The following DPH6 variants were observed in gnomAD, a reference collection of about 807,000 sequenced individuals.
The protein encoded by DPH6 is diphthamine biosynthesis 6.
A neutral mutation model predicts 38.2 loss-of-function variants in DPH6; 33 were observed. The observed-to-expected ratio is 0.86, with a 90% CI of 0.65 to 1.15. DPH6 has a LOEUF of 1.15. Among genes scored for constraint, DPH6 ranks in the 50% most tolerant of loss-of-function variants. DPH6 has a pLI of 0.00. For missense variants in DPH6, 325 were observed against 320.0 expected, an observed-to-expected ratio of 1.02 and a Z score of -0.12; for synonymous variants, 108 against 103.0, an observed-to-expected ratio of 1.05 and a Z score of -0.30.
chr15:35,333,171 G>GT (rs1566872245), intron 3 of DPH6, among the ~76,000 whole-genome samples: 1 of 151,928 alleles, frequency 6.6e-6, no homozygotes, highest in African/African-American at 2.4e-5. Context: ...AAAGTGAGCA[G>GT]TTTATCTATT....
chr15:35,271,310 C>T (rs1041068008), intron 3 of DPH6, among the ~76,000 whole-genome samples: 2 of 152,166 alleles, frequency 1.3e-5, no homozygotes, highest in Non-Finnish European at 2.9e-5. Context: ...AACCCCACCC[C>T]CTACCCCCAA....
At chr15:35,533,827 T>C (rs1246432463) in intron 3 of DPH6, among the ~76,000 whole-genome samples, 2 of 151,942 alleles carry the variant, frequency 1.3e-5, no homozygotes, top group African/African-American at 4.8e-5. Context: ...GACTGATCAG[T>C]CAGCACAGAC....
exon 4 of DPH6, chr15:35,218,579 C>G (rs1218407521): frequency 6.6e-6 from 1 of 152,156 alleles, no homozygotes; most frequent in African/African-American, 2.4e-5. Flanking sequence ...TTAAGTTAGA[C>G]AGAAATTATC....
At chr15:35,188,516 T>A in the DPH6 span, among the ~76,000 whole-genome samples, 1 of 152,298 alleles carries the variant, frequency 6.6e-6, no homozygotes, top group African/African-American at 2.4e-5. Flanking sequence ...AAGTTGTCAG[T>A]GTGGCCCTCT....
chr15:35,464,808 A>C (rs141546627), intron 3 of DPH6, among the ~76,000 whole-genome samples: 1 of 152,202 alleles, frequency 6.6e-6, no homozygotes, highest in Non-Finnish European at 1.5e-5. Context: ...CCAGTGCACT[A>C]AAGTGTCAAG....
chr15:35,257,175 A>G (rs982631071), intron 3 of DPH6, among the ~76,000 whole-genome samples: 2 of 152,336 alleles, frequency 1.3e-5, no homozygotes, highest in African/African-American at 4.8e-5. Flanking sequence ...GCATACCAGG[A>G]AAGGAGGAGA....
In DPH6 at chr15:35,515,088, C is replaced by T. The variant is rs76902124; in HGVS notation, c.312+23186G>A. Among the ~76,000 whole-genome samples, 469 of 151,298 alleles carry T rather than the reference C, an allele frequency of 3.1e-3. 3 individuals carry two copies. In the East Asian group the frequency reaches 0.034, roughly 11 times the overall value. ...CACCTACATCTGTTGCCTTAATCAG[C>T]TACATCTTTAGCACTTAGAAAAATG... On this transcript the variant is annotated intron_variant, in intron 3 of 8. Coordinates refer to ENST00000256538, the MANE Select transcript of DPH6 (RefSeq NM_080650.4).
downstream of DPH6, among the ~76,000 whole-genome samples, chr15:35,212,942 C>T (rs2051394859): frequency 1.3e-5 from 2 of 152,226 alleles, no homozygotes; most frequent in South Asian, 4.1e-4. Flanking sequence ...AACTTAACAA[C>T]AAAATAATTT....
At chr15:35,209,932 A>G in the DPH6 span, among the ~76,000 whole-genome samples, 3 of 152,308 alleles carry the variant, frequency 2.0e-5, no homozygotes, top group South Asian at 6.2e-4. Flanking sequence ...GTACCTTTTA[A>G]TGGGTCTTTA....
intron 6 of DPH6, among the ~76,000 whole-genome samples, chr15:35,393,930 G>C (rs551935723): frequency 6.6e-6 from 1 of 152,330 alleles, no homozygotes; most frequent in South Asian, 2.1e-4. Flanking sequence ...CTTAGTATGA[G>C]TAGTAGTTTT....
At chr15:35,183,895 T>C in the DPH6 span, among the ~76,000 whole-genome samples, 2 of 152,206 alleles carry the variant, frequency 1.3e-5, no homozygotes. Flanking sequence ...AGCAAGGCTT[T>C]ATTAAAATGT....
intron 3 of DPH6, among the ~76,000 whole-genome samples, chr15:35,503,447 T>A (rs183768349): frequency 1.3e-5 from 2 of 152,178 alleles, no homozygotes; most frequent in East Asian, 3.9e-4. Flanking sequence ...AAGCACTTCA[T>A]TACTTCCCTC....
At chr15:35,298,883 C>G (rs1044636576) in intron 3 of DPH6, 19 of 955,104 alleles carry the variant, frequency 2.0e-5, no homozygotes, top group Non-Finnish European at 2.9e-5. Flanking sequence ...TAAGGAAAAT[C>G]TCGGGGTAAC....
intron 3 of DPH6, among the ~76,000 whole-genome samples, chr15:35,532,257 T>A (rs2141538649): frequency 6.6e-6 from 1 of 152,316 alleles, no homozygotes; most frequent in East Asian, 1.9e-4. Flanking sequence ...TTGGACTATA[T>A]CTTAATCATG....
chr15:35,225,391 G>A (rs974526196), intron 3 of DPH6, among the ~76,000 whole-genome samples: 5 of 152,264 alleles, frequency 3.3e-5, no homozygotes, highest in South Asian at 2.1e-4. Flanking sequence ...TATTTGTAAG[G>A]AAGTCACTAA....
chr15:35,470,591 A>G (rs940920009), intron 3 of DPH6, among the ~76,000 whole-genome samples: 6 of 152,216 alleles, frequency 3.9e-5, no homozygotes, highest in Admixed American at 3.3e-4. Flanking sequence ...GTTTGCTCCT[A>G]AGTCAAAAGT....
intron 6 of DPH6, among the ~76,000 whole-genome samples, chr15:35,382,472 C>CACAA (rs1463605125): frequency 6.6e-6 from 1 of 151,882 alleles, no homozygotes; most frequent in African/African-American, 2.4e-5. Flanking sequence ...CACACACACA[C>CACAA]AAAATTAAGA....
chr15:35,520,570 C>T, intron 3 of DPH6: 1 of 984,718 alleles, frequency 1.0e-6, no homozygotes, highest in Non-Finnish European at 1.2e-6. Context: ...CTAGCATACA[C>T]AGCATAAAGC....
At chr15:35,221,844 C>T (rs1181477749) in intron 3 of DPH6, among the ~76,000 whole-genome samples, 2 of 152,190 alleles carry the variant, frequency 1.3e-5, no homozygotes, top group Non-Finnish European at 2.9e-5. Flanking sequence ...CTTTAAATCA[C>T]TTCTCTTTTC....
Sources: gnomAD v4.1 joint callset for allele counts (sites outside exome capture counted in the v4.1 genomes callset) on GRCh38, gnomAD v4.1.1 for gene constraint, MANE v1.5 for transcripts, NCBI Gene and HGNC (gene_info 2026-07-23, HGNC 2026-07-21) for gene names.